Variants in KIF1B observed in about 807,000 individuals in gnomAD.
KIF1B encodes the protein kinesin family member 1B.
In KIF1B, 76 loss-of-function variants were observed where a neutral mutation model predicts 241.9. The observed-to-expected ratio is 0.31, with a 90% CI of 0.26 to 0.38. The LOEUF (loss-of-function observed/expected upper bound fraction) is 0.38. Among genes scored for constraint, KIF1B ranks in the 10% least tolerant of loss-of-function variants. The probability of loss-of-function intolerance (pLI) is 1.00; values close to 1 mark genes in which losing one functional copy is unlikely to be tolerated. For missense variants in KIF1B, 1,622 were observed against 2,271.4 expected (o/e 0.71, Z 5.81); for synonymous variants, 750 against 796.7 (o/e 0.94, Z 0.99).
At chr1:10,249,746 TAAAC>T (rs1351061494) in intron 2 of KIF1B, among the ~76,000 whole-genome samples, 3 of 151,912 alleles carry the variant, frequency 2.0e-5, no homozygotes, top group Admixed American at 6.6e-5. Flanking sequence ...TACAAAAAAA[TAAAC>T]AAATTAGCCG....
At chr1:10,309,443 T>G (rs1483823586) in intron 22 of KIF1B, among the ~76,000 whole-genome samples, 1 of 151,860 alleles carries the variant, frequency 6.6e-6, no homozygotes, top group East Asian at 1.9e-4. Flanking sequence ...GTGCTGCTGG[T>G]GGTGAGAAGC....
At position 10,334,531 on chromosome 1, in the gene KIF1B, A is replaced by G; in HGVS notation, c.2936A>G (p.Tyr979Cys). 2 of 1,613,420 alleles carry G rather than the reference A, an allele frequency of 1.2e-6. No homozygotes were observed. The highest frequency in any genetic ancestry group is 1.7e-6 in the Non-Finnish European group (2 of 1,179,384). Residue 979 changes from tyrosine (Y) to cysteine (C), a missense_variant, in exon 28 of 49, where the codon TAC (tyrosine) becomes TGC (cysteine). Around this residue, in one of 7 missense-constraint regions of KIF1B, gnomAD observed 803 missense variants for 1,112.0 expected, o/e 0.72. Coordinates refer to ENST00000676179, the MANE Select transcript of KIF1B (RefSeq NM_001365951.3). ...GTTTCTGTCTTTAGGGCATTTGTTT[A>G]CCTGAGCAATCTGCTGTATCCCGTG... ...WFILVGRAFV[Y>C]LSNLLYPVPL...
intron 2 of KIF1B, among the ~76,000 whole-genome samples, chr1:10,253,271 C>A (rs1430382993): frequency 6.6e-6 from 1 of 152,090 alleles, no homozygotes; most frequent in Non-Finnish European, 1.5e-5. Context: ...ACTTATTTAA[C>A]CTCTCTGTGA....
intron 45 of KIF1B, among the ~76,000 whole-genome samples, chr1:10,373,095 G>T (rs993459073): frequency 1.3e-5 from 2 of 151,814 alleles, no homozygotes; most frequent in Non-Finnish European, 2.9e-5. Context: ...GATTACAGGC[G>T]TGAGCCACTG....
intron 41 of KIF1B, 83 bp downstream of exon 41, chr1:10,363,427 C>T: frequency 8.5e-7 from 1 of 1,182,950 alleles, no homozygotes; most frequent in Non-Finnish European, 1.3e-6. Context: ...CACGGTGGCA[C>T]ACACCTGTAA....
At chr1:10,311,007 C>A (rs887576031) in intron 22 of KIF1B, among the ~76,000 whole-genome samples, 2 of 151,608 alleles carry the variant, frequency 1.3e-5, no homozygotes, top group African/African-American at 4.9e-5. Context: ...GCTTTCCCTC[C>A]TGTTAGTGGA....
intron 32 of KIF1B, 146 bp downstream of exon 32, chr1:10,340,005 T>C: frequency 1.4e-6 from 1 of 738,930 alleles, no homozygotes; most frequent in Non-Finnish European, 2.4e-6. Context: ...AGTGGTGAGG[T>C]CATCCACAGC....
intron 28 of KIF1B, 109 bp downstream of exon 28, chr1:10,334,747 T>C: frequency 1.2e-6 from 1 of 837,742 alleles, no homozygotes; most frequent in Middle Eastern, 3.3e-4. Flanking sequence ...TGTGGGGAGT[T>C]TGTATGTGTA....
At chr1:10,261,248 G>A (rs1201668611) in intron 4 of KIF1B, among the ~76,000 whole-genome samples, 6 of 148,884 alleles carry the variant, frequency 4.0e-5, no homozygotes, top group Non-Finnish European at 8.9e-5. Flanking sequence ...ATTTACAGGC[G>A]TGAGCCACTG....
At chr1:10,306,759 A>T (rs1183992797) in intron 22 of KIF1B, 10 of 388,726 alleles carry the variant, frequency 2.6e-5, no homozygotes, top group South Asian at 1.2e-4. Flanking sequence ...CCTGTCTTTA[A>T]AAAAAAAAAA....
chr1:10,379,194 G>C lies in KIF1B; in HGVS notation c.*2607G>C. 1 of 232,520 alleles carries C rather than the reference G, an allele frequency of 4.3e-6. No individual in the cohort carries two copies. 14.4% of individuals were successfully genotyped at this position (232,520 alleles called of 1,614,324 possible). A position where few individuals can be genotyped will look rare whatever the true frequency, so the allele number is the denominator to read the frequency against. On this transcript the variant is annotated 3_prime_UTR_variant, in exon 49 of 49. Coordinates refer to ENST00000676179, the MANE Select transcript of KIF1B (RefSeq NM_001365951.3). ...TGACACAGGACGGTGGGAAGCCTGA[G>C]AGAGAGTGAAATTATGTGATACACT...
chr1:10,284,098 G>C (rs1233984268), intron 15 of KIF1B, among the ~76,000 whole-genome samples: 2 of 152,186 alleles, frequency 1.3e-5, no homozygotes, highest in Non-Finnish European at 2.9e-5. Flanking sequence ...TGTGGGCCGG[G>C]CATGGTGGCT....
In KIF1B at chr1:10,278,976, G is replaced by A. The variant is rs12026616; in HGVS notation, c.1181-121G>A. ...GAATACCGTTTGTAAAAATGATACC[G>A]TATTCTAAGTATTAACTTTTCCATC... On this transcript the variant is annotated intron_variant, in intron 13 of 48. Transcript: ENST00000676179. 4,115 of 575,488 alleles carry A rather than the reference G, an allele frequency of 7.2e-3. 152 individuals are homozygous for A. Among genetic ancestry groups the A allele is most frequent in the Admixed American group, 0.069 (2,678 of 38,914 alleles). 35.6% of individuals were successfully genotyped at this position (575,488 alleles called of 1,614,324 possible).
chr1:10,238,758 A>G (rs555135207), intron 2 of KIF1B, among the ~76,000 whole-genome samples: 1 of 152,230 alleles, frequency 6.6e-6, no homozygotes, highest in African/African-American at 2.4e-5. Flanking sequence ...AAAGAAAGTA[A>G]TGCATTTAAA....
At chr1:10,339,053 CTG>C (rs1255025885) in intron 31 of KIF1B, among the ~76,000 whole-genome samples, 3 of 152,112 alleles carry the variant, frequency 2.0e-5, no homozygotes, top group Non-Finnish European at 4.4e-5. Flanking sequence ...TCCTCTTTAA[CTG>C]TGCAGTTCTT....
At chr1:10,220,388 A>ATAGG (rs1646826524) in intron 1 of KIF1B, among the ~76,000 whole-genome samples, 1 of 135,590 alleles carries the variant, frequency 7.4e-6, no homozygotes, top group East Asian at 2.3e-4. Flanking sequence ...AGATAGATAG[A>ATAGG]TAGATAGATG....
chr1:10,265,457 A>G (rs1292254470), intron 5 of KIF1B, among the ~76,000 whole-genome samples: 1 of 151,982 alleles, frequency 6.6e-6, no homozygotes, highest in Non-Finnish European at 1.5e-5. Flanking sequence ...GTTGGTCTCG[A>G]ATTCCTGAGC....
chr1:10,237,702 T>G (rs549764836), intron 2 of KIF1B, among the ~76,000 whole-genome samples: 6 of 152,154 alleles, frequency 3.9e-5, no homozygotes, highest in Non-Finnish European at 8.8e-5. Context: ...AATGATTTCA[T>G]GTCCACTATT....
intron 2 of KIF1B, among the ~76,000 whole-genome samples, chr1:10,242,671 C>T (rs753700039): frequency 3.9e-5 from 6 of 152,078 alleles, no homozygotes; most frequent in Non-Finnish European, 8.8e-5. Flanking sequence ...TGCCCACCAC[C>T]ATGCCCAGCT....
Sources: gnomAD v4.1 joint callset for allele counts (sites outside exome capture counted in the v4.1 genomes callset) on GRCh38, gnomAD v4.1.1 for gene constraint, gnomAD v4.1.1 regional missense constraint, MANE v1.5 for transcripts, NCBI Gene and HGNC (gene_info 2026-07-23, HGNC 2026-07-21) for gene names.